Variants in CENPC observed in about 807,000 individuals in gnomAD.
CENPC encodes CENP-C 1.
In CENPC, 63 loss-of-function variants were observed where a neutral mutation model predicts 112.1. The ratio of observed to expected loss-of-function variants is 0.56; its 90% CI spans 0.46 to 0.69. The LOEUF is 0.69. Ranked by LOEUF, CENPC falls within the 30% of genes least tolerant of loss-of-function variation. The pLI, the probability that CENPC is intolerant of heterozygous loss-of-function variation, is 0.00. For synonymous variants in CENPC, 333 were observed against 367.6 expected, an observed-to-expected ratio of 0.91 and a Z score of 1.08; for missense variants, 1,000 against 1,103.8, an observed-to-expected ratio of 0.91 and a Z score of 1.33.
intron 17 of CENPC, among the ~76,000 whole-genome samples, chr4:67,481,016 C>A (rs926594898): frequency 6.6e-6 from 1 of 152,078 alleles, no homozygotes; most frequent in African/African-American, 2.4e-5. Flanking sequence ...TTGCTGTTTG[C>A]CAATGATATG....
At chr4:67,484,096 C>G (rs549926884) in intron 17 of CENPC, among the ~76,000 whole-genome samples, 1 of 152,332 alleles carries the variant, frequency 6.6e-6, no homozygotes, top group South Asian at 2.1e-4. Context: ...GTCCTGAAAG[C>G]TCCATTCATG....
chr4:67,512,350 T>C (rs1360847923), intron 9 of CENPC, 52 bp downstream of exon 9: 2 of 1,326,244 alleles, frequency 1.5e-6, no homozygotes, highest in Non-Finnish European at 1.0e-6. Context: ...ATAATGCCCC[T>C]TACAGAATGA....
chr4:67,537,327 C>T (rs971310715), intron 4 of CENPC, among the ~76,000 whole-genome samples: 19 of 152,032 alleles, frequency 1.2e-4, no homozygotes, highest in African/African-American at 4.3e-4. Flanking sequence ...AATATACACG[C>T]AATTTGTGTA....
intron 17 of CENPC, among the ~76,000 whole-genome samples, chr4:67,476,996 A>C (rs1243948985): frequency 6.6e-6 from 1 of 152,080 alleles, no homozygotes; most frequent in East Asian, 1.9e-4. Flanking sequence ...TTCATCCCCT[A>C]CAGTGGTCAC....
chr4:67,477,528 T>A (rs1724838739), intron 17 of CENPC, among the ~76,000 whole-genome samples: 1 of 152,054 alleles, frequency 6.6e-6, no homozygotes, highest in South Asian at 2.1e-4. Flanking sequence ...AAGGGATCAC[T>A]CCATGGAACA....
Position 67,504,422 on chromosome 4 carries a change from GA to G in CENPC, c.2131+782del, listed in dbSNP as rs577292838. The stretch of plus-strand genomic sequence containing the variant: ...AAAGTTAAAAGAATAGTGATTATTA[GA>G]AAAAAAAGTATAACAGATTACAATC... On this transcript the variant is annotated intron_variant, in intron 12 of 18. Coordinates refer to ENST00000273853, the MANE Select transcript of CENPC (RefSeq NM_001812.4). 3.9e-3 allele frequency among the ~76,000 whole-genome samples: 586 copies of G among 151,812 alleles called. 2 individuals carry two copies. The highest frequency in any genetic ancestry group is 0.013 in the African/African-American group (550 of 41,434).
rs376426502 is a variant in CENPC, at chr4:67,474,910, C to G, written c.2739G>C (p.Gly913=). The G allele has an allele frequency of 3.2e-6, 5 of 1,580,034 alleles. No homozygotes were observed. The highest frequency in any genetic ancestry group is 2.3e-5 in the East Asian group (1 of 44,408). The change falls in exon 18 of 19, where the codon GGG becomes GGC. Residue 913 remains glycine, a synonymous_variant. Coordinates refer to ENST00000273853, the MANE Select transcript of CENPC (RefSeq NM_001812.4). ...LHETPYILST[G]DSFYVPSGNY... ...TACCTGAAGGAACATAGAACGAATC[C>G]CCAGTACTTAATATATAAGGTGTTT...
In CENPC at chr4:67,514,505, G is replaced by A. The variant is rs1359866120; in HGVS notation, c.1013C>T (p.Thr338Ile). ...TGACTTTCTACCTTGAAGGAGTGCAGTGCTCTCAGCCGGGGATATTGTGCG... is the reference window on the plus strand; with the variant it reads ...TGACTTTCTACCTTGAAGGAGTGCAATGCTCTCAGCCGGGGATATTGTGCG... The part of the protein sequence containing the change: ...KQRTISPAES[T>I]ALLQGRKSRE... Residue 338 changes from threonine to isoleucine, a missense_variant, in exon 8 of 19, where the codon ACT (threonine) becomes ATT (isoleucine). Coordinates refer to ENST00000273853, the MANE Select transcript of CENPC (RefSeq NM_001812.4). 3 of 1,613,414 alleles carry A rather than the reference G, an allele frequency of 1.9e-6. No individual in the cohort carries two copies. Among genetic ancestry groups the A allele is most frequent in the South Asian group, 2.2e-5 (2 of 91,036 alleles).
intron 4 of CENPC, among the ~76,000 whole-genome samples, chr4:67,533,923 A>G (rs1337664361): frequency 6.6e-6 from 1 of 152,144 alleles, no homozygotes; most frequent in Admixed American, 6.6e-5. Flanking sequence ...TTGTGTTCCT[A>G]CCTACTCAGG....
intron 12 of CENPC, among the ~76,000 whole-genome samples, chr4:67,503,021 T>A (rs935434926): frequency 2.6e-5 from 4 of 152,110 alleles, no homozygotes; most frequent in African/African-American, 4.8e-5. Flanking sequence ...TTCAACCCCA[T>A]CAGTCAACTC....
intron 5 of CENPC, among the ~76,000 whole-genome samples, chr4:67,521,204 C>CAA (rs71219050): frequency 6.1e-4 from 80 of 131,416 alleles, no homozygotes; most frequent in East Asian, 1.3e-3. Flanking sequence ...CAAAACAAAC[C>CAA]AAAAAAAAAA....
chr4:67,472,511 A>T lies in CENPC; in HGVS notation c.*94T>A, dbSNP rs1724694634. The stretch of plus-strand genomic sequence containing the variant: ...CTGAATAAAATTTTTATTTTAAAAC[A>T]TCACAAGTAATTACAAAGACAAATA... On this transcript the variant is annotated 3_prime_UTR_variant, in exon 19 of 19. Coordinates refer to ENST00000273853, the MANE Select transcript of CENPC (RefSeq NM_001812.4). The T allele has an allele frequency of 7.9e-6, 10 of 1,266,056 alleles. No homozygotes were observed. Among genetic ancestry groups the T allele is most frequent in the Non-Finnish European group, 1.0e-5 (10 of 991,624 alleles). The allele number at this position is 1,266,056 out of a possible 1,614,324, so 78.4% of individuals were successfully genotyped here.
rs745688561 is a variant in CENPC at position 67,490,137 on chromosome 4, T to TAA, written c.2516-18_2516-17dup. 1.3e-6 allele frequency: 2 copies of TAA among 1,555,656 alleles called. No individual in the cohort carries two copies. The highest frequency in any genetic ancestry group is 1.7e-6 in the Non-Finnish European group (2 of 1,144,384). On this transcript the variant is annotated splice_polypyrimidine_tract_variant and intron_variant, in intron 16 of 18. Coordinates refer to ENST00000273853, the MANE Select transcript of CENPC (RefSeq NM_001812.4). Reference sequence around the variant, plus strand: ...CTTACAAGATCTAGGAGTAAAACAGTAATACAAATATAAAACAACAGCAGT... The same window carrying TAA: ...CTTACAAGATCTAGGAGTAAAACAGTAAAATACAAATATAAAACAACAGCAGT...
At chr4:67,528,715 A>G (rs983428249) in intron 5 of CENPC, among the ~76,000 whole-genome samples, 9 of 152,190 alleles carry the variant, frequency 5.9e-5, no homozygotes, top group Non-Finnish European at 1.2e-4. Flanking sequence ...TTATCCATTC[A>G]TCTGTTGACG....
At chr4:67,501,444 A>G (rs1227479999) in intron 12 of CENPC, among the ~76,000 whole-genome samples, 1 of 152,236 alleles carries the variant, frequency 6.6e-6, no homozygotes, top group Non-Finnish European at 1.5e-5. Context: ...TCAAATATGA[A>G]TGGCACACAT....
chr4:67,512,574 A>T lies in CENPC; in HGVS notation c.1445-5T>A, dbSNP rs1001817243. The T allele has an allele frequency of 4.7e-6, 7 of 1,498,158 alleles. No individual in the cohort carries two copies. The African/African-American group carries it at 1.0e-4, about 21-fold the overall frequency. The allele number at this position is 1,498,158 out of a possible 1,614,324, so 92.8% of individuals were successfully genotyped here. A position where few individuals can be genotyped will look rare whatever the true frequency, so the allele number is the denominator to read the frequency against. On this transcript the variant is annotated splice_region_variant and splice_polypyrimidine_tract_variant and intron_variant, in intron 8 of 18. Transcript: ENST00000273853. ...TAGTGCTACTTTTCTTGCTTCCTAA[A>T]ATAAAGAAAACCATAAAACCAATTC...
At position 67,472,468 on chromosome 4, in the gene CENPC, A is replaced by T; in HGVS notation, c.*137T>A. 5.3e-6 allele frequency: 6 copies of T among 1,131,882 alleles called. No homozygotes were observed. The highest frequency in any genetic ancestry group is 6.8e-6 in the Non-Finnish European group (6 of 882,348). 70.1% of individuals were successfully genotyped at this position (1,131,882 alleles called of 1,614,324 possible). A position where few individuals can be genotyped will look rare whatever the true frequency, so the allele number is the denominator to read the frequency against. On this transcript the variant is annotated 3_prime_UTR_variant, in exon 19 of 19. Transcript: ENST00000273853. The stretch of plus-strand genomic sequence containing the variant: ...CATGTGAGTTAGAAATGTTTATCAA[A>T]TACAAGTCTACAGAAAACTGAATAA...
At chr4:67,517,956 T>C (rs1431289401) in intron 7 of CENPC, among the ~76,000 whole-genome samples, 200 bp downstream of exon 7, 1 of 152,180 alleles carries the variant, frequency 6.6e-6, no homozygotes, top group African/African-American at 2.4e-5. Context: ...TCTAATTTAG[T>C]ATCTATTAAA....
At chr4:67,527,637 A>G (rs766443445) in intron 5 of CENPC, among the ~76,000 whole-genome samples, 24 of 151,338 alleles carry the variant, frequency 1.6e-4, no homozygotes, top group Non-Finnish European at 2.8e-4. Context: ...AGTAGGCAGG[A>G]CTATAGGCAC....
Sources: gnomAD v4.1 joint callset for allele counts (sites outside exome capture counted in the v4.1 genomes callset) on GRCh38, gnomAD v4.1.1 for gene constraint, MANE v1.5 for transcripts, NCBI Gene and HGNC (gene_info 2026-07-23, HGNC 2026-07-21) for gene names.